The following PYY variants were observed in gnomAD, a reference collection of about 807,000 sequenced individuals.
PYY encodes the protein peptide YY.
Under a neutral mutation model 10.3 loss-of-function variants are expected in PYY, and 12 were observed. The observed-to-expected ratio is 1.17, with a 90% CI of 0.75 to 1.89. The LOEUF is 1.89. Ranked by LOEUF, PYY falls within the 40% of genes most tolerant of loss-of-function variation. The pLI is 0.00. For synonymous variants in PYY, 66 were observed against 62.0 expected, an observed-to-expected ratio of 1.06 and a Z score of -0.30; for missense variants, 141 against 134.0, an observed-to-expected ratio of 1.05 and a Z score of -0.26.
chr17:43,989,668 T>C (rs2019189), intron 1 of PYY, among the ~76,000 whole-genome samples: 141,796 of 151,304 alleles, frequency 0.94, 66,486 homozygotes, highest in East Asian at 1. Context: ...AAGGCCAGCA[T>C]GGTGGCTCCA....
intron 1 of PYY, among the ~76,000 whole-genome samples, chr17:43,985,985 G>A (rs962410104): frequency 7.2e-5 from 11 of 152,242 alleles, no homozygotes; most frequent in Middle Eastern, 3.4e-3. Context: ...GGCCAGGCGC[G>A]GTGGCTCACG....
chr17:43,971,281 A>AT (rs2048791020), intron 1 of PYY, among the ~76,000 whole-genome samples: 1 of 151,896 alleles, frequency 6.6e-6, no homozygotes, highest in Admixed American at 6.6e-5. Flanking sequence ...TTTAACTTGC[A>AT]TTTTCCGGCC....
At chr17:43,977,431 C>G (rs1291183080) in intron 1 of PYY, among the ~76,000 whole-genome samples, 1 of 152,102 alleles carries the variant, frequency 6.6e-6, no homozygotes, top group Non-Finnish European at 1.5e-5. Flanking sequence ...TTCCAGGGGC[C>G]ACTCCTGGAC....
chr17:43,985,077 G>T (rs2048907542), intron 1 of PYY, among the ~76,000 whole-genome samples: 1 of 151,954 alleles, frequency 6.6e-6, no homozygotes, highest in African/African-American at 2.4e-5. Flanking sequence ...TAAATTAAAA[G>T]GCAACTCTCA....
At chr17:43,965,817 AGAG>A (rs373089330) in intron 2 of PYY, among the ~76,000 whole-genome samples, 2,840 of 128,102 alleles carry the variant, frequency 0.022, 171 homozygotes, top group Non-Finnish European at 0.036. Context: ...AAAAAAAAAA[AGAG>A]AGAGAAACAA....
At chr17:43,955,436 T>C (rs530969660), upstream of PYY, among the ~76,000 whole-genome samples, 4 of 152,254 alleles carry the variant, frequency 2.6e-5, no homozygotes, top group Admixed American at 6.5e-5. Flanking sequence ...CACCATTTTA[T>C]GGGTTCAATC....
At chr17:43,981,486 T>C (rs2048883082) in intron 1 of PYY, among the ~76,000 whole-genome samples, 2 of 152,056 alleles carry the variant, frequency 1.3e-5, no homozygotes, top group African/African-American at 4.8e-5. Context: ...CATCTTTTCA[T>C]GGTTTTGTTT....
chr17:43,960,866 G>A (rs1410736582), intron 2 of PYY, among the ~76,000 whole-genome samples: 2 of 150,310 alleles, frequency 1.3e-5, no homozygotes, highest in East Asian at 3.9e-4. Flanking sequence ...AAAAAAAACG[G>A]TGTTCATTAC....
chr17:43,971,395 C>A (rs78937731), intron 1 of PYY, among the ~76,000 whole-genome samples: 2,073 of 152,072 alleles, frequency 0.014, 46 homozygotes, highest in African/African-American at 0.048. Context: ...TATGGTGAAA[C>A]CCCATCTCTA....
At chr17:43,995,690 C>T (rs1427386499) in intron 1 of PYY, among the ~76,000 whole-genome samples, 2 of 151,590 alleles carry the variant, frequency 1.3e-5, no homozygotes, top group African/African-American at 4.8e-5. Context: ...AAAAATTAGC[C>T]GGGTGTGGTG....
chr17:43,997,398 T>C (rs1459319710), intron 1 of PYY, among the ~76,000 whole-genome samples: 1 of 151,994 alleles, frequency 6.6e-6, no homozygotes, highest in Non-Finnish European at 1.5e-5. Flanking sequence ...GAGGTTACCA[T>C]GGGGATACCT....
At chr17:43,998,020 C>T (rs568222747) in intron 1 of PYY, among the ~76,000 whole-genome samples, 1 of 152,092 alleles carries the variant, frequency 6.6e-6, no homozygotes, top group Non-Finnish European at 1.5e-5. Context: ...CTCACTGGAA[C>T]CTCCACCTCC....
chr17:43,999,472 G>A (rs562101282), intron 1 of PYY, among the ~76,000 whole-genome samples: 2 of 152,136 alleles, frequency 1.3e-5, no homozygotes, highest in South Asian at 2.1e-4. Flanking sequence ...GGCCGGGCAC[G>A]GTCGCTCACG....
At chr17:43,954,202 G>A (rs771252311), upstream of PYY, among the ~76,000 whole-genome samples, 6 of 152,172 alleles carry the variant, frequency 3.9e-5, no homozygotes, top group Non-Finnish European at 8.8e-5. Context: ...CCCAGTGGCA[G>A]GTCTAGCCTC....
chr17:43,954,561 T>C (rs867688196), upstream of PYY, among the ~76,000 whole-genome samples: 1 of 151,470 alleles, frequency 6.6e-6, no homozygotes, highest in African/African-American at 2.4e-5. Flanking sequence ...TATTAAAGAG[T>C]TGGAAAAGAG....
At chr17:43,968,247 C>G (rs1264276904) in intron 1 of PYY, among the ~76,000 whole-genome samples, 2 of 152,042 alleles carry the variant, frequency 1.3e-5, no homozygotes, top group Non-Finnish European at 2.9e-5. Flanking sequence ...AGAAGGAGAA[C>G]CCCTATAGCT....
chr17:43,980,528 G>A (rs543039759), intron 1 of PYY, among the ~76,000 whole-genome samples: 36 of 151,908 alleles, frequency 2.4e-4, no homozygotes, highest in African/African-American at 8.2e-4. Flanking sequence ...AGGCTGGAGC[G>A]TAGTAGCGCA....
chr17:43,969,488 C>G (rs2143915271), intron 1 of PYY, among the ~76,000 whole-genome samples: 1 of 129,608 alleles, frequency 7.7e-6, no homozygotes, highest in African/African-American at 2.8e-5. Context: ...TGCACTCCAG[C>G]CTGGGTGATA....
intron 1 of PYY, among the ~76,000 whole-genome samples, chr17:43,993,294 A>T (rs9900300): frequency 0.015 from 2,271 of 152,226 alleles, 61 homozygotes; most frequent in African/African-American, 0.052. Flanking sequence ...CCCCGTCTCT[A>T]CTAAAAATAC....
Sources: allele counts gnomAD v4.1 joint callset (sites outside exome capture counted in the v4.1 genomes callset), GRCh38; gene constraint gnomAD v4.1.1; transcripts MANE v1.5; gene names NCBI Gene and HGNC (gene_info 2026-07-23, HGNC 2026-07-21).